GPR62: variants seen among roughly 807,000 people sequenced by gnomAD.
GPR62 encodes the protein G protein-coupled receptor 62.
For missense variants in GPR62, 513 were observed against 541.5 expected, an observed-to-expected ratio of 0.95 and a Z score of 0.52; for synonymous variants, 280 against 286.9, an observed-to-expected ratio of 0.98 and a Z score of 0.24.
chr3:51,955,414 G>A lies in GPR62; in HGVS notation c.-239G>A, dbSNP rs1699820739. 2.4e-6 allele frequency: 1 copy of A among 409,608 alleles called. No individual in the cohort carries two copies. The highest frequency in any genetic ancestry group is 4.3e-6 in the Non-Finnish European group (1 of 229,920). The allele number at this position is 409,608 out of a possible 1,614,324, so 25.4% of individuals were successfully genotyped here. Reference sequence around the variant, plus strand: ...CTCCGACAGGGGCTGAGTTGCTGGAGCTGGGCTGGGGCAGGGGAGAAAGAC... The same window carrying A: ...CTCCGACAGGGGCTGAGTTGCTGGAACTGGGCTGGGGCAGGGGAGAAAGAC... On this transcript the variant is annotated 5_prime_UTR_variant, in exon 1 of 1. Coordinates refer to ENST00000322241, the MANE Select transcript of GPR62 (RefSeq NM_080865.4).
rs1017116884 is a variant in GPR62 at position 51,956,448 on chromosome 3, G to A, written c.796G>A (p.Ala266Thr). The A allele has an allele frequency of 6.5e-7, 1 of 1,531,034 alleles. No individual in the cohort carries two copies. The highest frequency in any genetic ancestry group is 8.7e-7 in the Non-Finnish European group (1 of 1,145,852). The allele number at this position is 1,531,034 out of a possible 1,614,324, so 94.8% of individuals were successfully genotyped here. A position where few individuals can be genotyped will look rare whatever the true frequency, so the allele number is the denominator to read the frequency against. ...TGGCTGCGCGTGCCTGGCGCCCGCAGCGCGGGCCGCGGAAGCCGAAGCGGC... is the reference window on the plus strand; with the variant it reads ...TGGCTGCGCGTGCCTGGCGCCCGCAACGCGGGCCGCGGAAGCCGAAGCGGC... The part of the protein sequence containing the change: ...PYGCACLAPA[A>T]RAAEAEAAVT... Residue 266 changes from alanine to threonine, a missense_variant, in exon 1 of 1, where the codon GCG (alanine) becomes ACG (threonine). Ala to Thr is a moderately conservative substitution (Grantham distance 58, BLOSUM62 0). Transcript: ENST00000322241.
At position 51,956,626 on chromosome 3, in the gene GPR62, C is replaced by T. The variant is rs1165318878; in HGVS notation, c.974C>T (p.Ala325Val). 4 of 1,612,718 alleles carry T rather than the reference C, an allele frequency of 2.5e-6. No homozygotes were observed. The Admixed American group carries it at 6.7e-5, about 27-fold the overall frequency. Residue 325 changes from alanine to valine, a missense_variant, in exon 1 of 1, where the codon GCA becomes GTA. Physicochemically the swap from Ala to Val is moderately conservative, Grantham distance 64. Transcript: ENST00000322241. ...ACTCCGCAAGCCTGGCACCCGCGGGCACTCTTGCAATGCCTCCAGAGACCC... is the reference window on the plus strand; with the variant it reads ...ACTCCGCAAGCCTGGCACCCGCGGGTACTCTTGCAATGCCTCCAGAGACCC... ...ACTPQAWHPR[A>V]LLQCLQRPPE...
chr3:51,956,561 C>T lies in GPR62; in HGVS notation c.909C>T (p.Arg303=). Residue 303 remains arginine (R), a synonymous_variant, in exon 1 of 1, where the codon CGC becomes CGT. Transcript: ENST00000322241. ...LQRPVRLALG[R]LSRRALPGPV... is the part of the protein sequence containing the mutation. ...GCCCCGTGCGCTTGGCACTGGGCCG[C>T]CTCTCTCGCCGTGCACTGCCTGGAC... The T allele has an allele frequency of 2.5e-6, 4 of 1,610,722 alleles. No individual in the cohort carries two copies. Among genetic ancestry groups the T allele is most frequent in the Non-Finnish European group, 3.4e-6 (4 of 1,179,282 alleles).
Position 51,956,459 on chromosome 3 carries a change from G to T in GPR62, c.807G>T (p.Ala269=). 6.5e-7 allele frequency: 1 copy of T among 1,542,406 alleles called. No individual in the cohort carries two copies. The highest frequency in any genetic ancestry group is 8.7e-7 in the Non-Finnish European group (1 of 1,150,752). ...GCCTGGCGCCCGCAGCGCGGGCCGC[G>T]GAAGCCGAAGCGGCTGTCACCTGGG... ...CACLAPAARA[A]EAEAAVTWVA... The change falls in exon 1 of 1, where the codon GCG becomes GCT. Residue 269 remains alanine, a synonymous_variant. Transcript: ENST00000322241.
chr3:51,956,945 A>C lies in GPR62; in HGVS notation c.*186A>C. On this transcript the variant is annotated 3_prime_UTR_variant, in exon 1 of 1. Coordinates refer to ENST00000322241, the MANE Select transcript of GPR62 (RefSeq NM_080865.4). ...GGCCCAACACTGCATAGCACTGTGCATAGGCCGACCCTTCCTTAGGCCTCA... is the reference window on the plus strand; with the variant it reads ...GGCCCAACACTGCATAGCACTGTGCCTAGGCCGACCCTTCCTTAGGCCTCA... The C allele has an allele frequency of 9.6e-7, 1 of 1,037,984 alleles. No homozygotes were observed. The highest frequency in any genetic ancestry group is 1.3e-6 in the Non-Finnish European group (1 of 751,132). The allele number at this position is 1,037,984 out of a possible 1,614,324, so 64.3% of individuals were successfully genotyped here. A position where few individuals can be genotyped will look rare whatever the true frequency, so the allele number is the denominator to read the frequency against.
In GPR62 at chr3:51,956,014, T is replaced by G. The variant is rs1699834631; in HGVS notation, c.362T>G (p.Leu121Arg). The G allele has an allele frequency of 7.0e-7, 1 of 1,433,220 alleles. No homozygotes were observed. The highest frequency in any genetic ancestry group is 1.3e-5 in the South Asian group (1 of 74,838). The allele number at this position is 1,433,220 out of a possible 1,614,324, so 88.8% of individuals were successfully genotyped here. The change falls in exon 1 of 1, where the codon CTG becomes CGG. Residue 121 changes from leucine to arginine, a missense_variant. Leu to Arg is a moderately radical substitution (Grantham distance 102, BLOSUM62 -2). Transcript: ENST00000322241. ...LARYRLIVHPLRPGSRPPPVL... is the reference protein window; with the variant it reads ...LARYRLIVHPRRPGSRPPPVL... ...CGCTACCGCCTCATCGTGCACCCGC[T>G]GCGGCCAGGCTCGCGGCCGCCGCCT...
At position 51,956,550 on chromosome 3, in the gene GPR62, G is replaced by C; in HGVS notation, c.898G>C (p.Ala300Pro). The C allele has an allele frequency of 6.2e-7, 1 of 1,609,296 alleles. No individual in the cohort carries two copies. The highest frequency in any genetic ancestry group is 2.2e-5 in the East Asian group (1 of 44,724). Residue 300 changes from alanine to proline, a missense_variant, in exon 1 of 1, where the codon GCA becomes CCA. Ala to Pro is a conservative substitution (Grantham distance 27). Coordinates refer to ENST00000322241, the MANE Select transcript of GPR62 (RefSeq NM_080865.4). The stretch of plus-strand genomic sequence containing the variant: ...GCTGCTGCAGCGCCCCGTGCGCTTG[G>C]CACTGGGCCGCCTCTCTCGCCGTGC... ...YGLLQRPVRLALGRLSRRALP... is the reference protein window; with the variant it reads ...YGLLQRPVRLPLGRLSRRALP...
In GPR62 at chr3:51,956,376, GC is replaced by G. The variant is rs1396007529; in HGVS notation, c.728del (p.Pro243GlnfsTer97). The G allele has an allele frequency of 3.3e-6, 5 of 1,535,576 alleles. No homozygotes were observed. Among genetic ancestry groups the G allele is most frequent in the Admixed American group, 1.9e-5 (1 of 51,384 alleles). On this transcript the variant is annotated frameshift_variant, in exon 1 of 1. Coordinates refer to ENST00000322241, the MANE Select transcript of GPR62 (RefSeq NM_080865.4). LOFTEE classifies it low-confidence loss of function (END_TRUNC). Reference sequence around the variant, plus strand: ...CCTGCCCGGGGGCAAGGCGGCCCTGGCCCCAGCGCTGGCCGTGGGCCAATTT... The same window carrying G: ...CCTGCCCGGGGGCAAGGCGGCCCTGGCCCAGCGCTGGCCGTGGGCCAATTT... ...PRLPGGKAALAPALAVGQFAA... is the reference protein window; with the variant it reads ...PRLPGGKAALXPALAVGQFAA...
chr3:51,956,178 TG>T lies in GPR62; in HGVS notation c.529del (p.Ala177ProfsTer28). On this transcript the variant is annotated frameshift_variant, in exon 1 of 1. Transcript: ENST00000322241. LOFTEE classifies it low-confidence loss of function (END_TRUNC). ...GGGCCTCGGGCCCTTCCGGCCGCTC[TG>T]GGCCCTGCTGGCCTTCGCGCTGCCC... is the stretch of plus-strand genomic sequence containing the variant. ...AGGLGPFRPL[W>X]ALLAFALPAL... 2 of 1,491,210 alleles carry T rather than the reference TG, an allele frequency of 1.3e-6. No homozygotes were observed. Among genetic ancestry groups the T allele is most frequent in the Admixed American group, 2.3e-5 (1 of 43,054 alleles). 92.4% of individuals were successfully genotyped at this position (1,491,210 alleles called of 1,614,324 possible).
chr3:51,956,374 T>C lies in GPR62; in HGVS notation c.722T>C (p.Leu241Pro). The change falls in exon 1 of 1, where the codon CTG becomes CCG. Residue 241 changes from leucine to proline, a missense_variant. Leu to Pro is a moderately conservative substitution (Grantham distance 98). Transcript: ENST00000322241. ...CGCCTGCCCGGGGGCAAGGCGGCCCTGGCCCCAGCGCTGGCCGTGGGCCAA... is the reference window on the plus strand; with the variant it reads ...CGCCTGCCCGGGGGCAAGGCGGCCCCGGCCCCAGCGCTGGCCGTGGGCCAA... ...RPRLPGGKAA[L>P]APALAVGQFA... 4 of 1,538,016 alleles carry C rather than the reference T, an allele frequency of 2.6e-6. No homozygotes were observed. Among genetic ancestry groups the C allele is most frequent in the Non-Finnish European group, 2.6e-6 (3 of 1,150,736 alleles).
rs761258717 is a variant in GPR62 at position 51,955,769 on chromosome 3, G to A, written c.117G>A (p.Val39=). 8 of 1,600,912 alleles carry A rather than the reference G, an allele frequency of 5.0e-6. No homozygotes were observed. Among genetic ancestry groups the A allele is most frequent in the Non-Finnish European group, 6.8e-6 (8 of 1,174,368 alleles). The stretch of plus-strand genomic sequence containing the variant: ...GCAACGGCGCGCTGCTGGTCGTGGT[G>A]CTGCGCACGCCGGGACTGCGCGACG... ...LLGNGALLVV[V]LRTPGLRDAL... The change falls in exon 1 of 1, where the codon GTG becomes GTA. Residue 39 remains valine (V), a synonymous_variant. Coordinates refer to ENST00000322241, the MANE Select transcript of GPR62 (RefSeq NM_080865.4).
chr3:51,955,646 A>C lies in GPR62; in HGVS notation c.-7A>C, dbSNP rs765782196. ...ATCCCAGCGCAGGGTGAAGCCTGAG[A>C]GCCCAAATGGCCAACTCCACAGGGC... On this transcript the variant is annotated 5_prime_UTR_variant, in exon 1 of 1. Transcript: ENST00000322241. The C allele has an allele frequency of 1.3e-6, 2 of 1,584,174 alleles. No individual in the cohort carries two copies. Among genetic ancestry groups the C allele is most frequent in the South Asian group, 1.1e-5 (1 of 88,156 alleles).
Position 51,956,097 on chromosome 3 carries a change from C to G in GPR62, c.445C>G (p.Leu149Val). 7.0e-7 allele frequency: 1 copy of G among 1,434,986 alleles called. No homozygotes were observed. Among genetic ancestry groups the G allele is most frequent in the Non-Finnish European group, 9.1e-7 (1 of 1,099,966 alleles). 88.9% of individuals were successfully genotyped at this position (1,434,986 alleles called of 1,614,324 possible). A position where few individuals can be genotyped will look rare whatever the true frequency, so the allele number is the denominator to read the frequency against. The stretch of plus-strand genomic sequence containing the variant: ...GGGACTGCTGGGCGCGCTCTCCCTG[C>G]TCGGCACGCCGCCCGCACCGCCCCC... ...AAGLLGALSLLGTPPAPPPAP... is the reference protein window; with the variant it reads ...AAGLLGALSLVGTPPAPPPAP... The change falls in exon 1 of 1, where the codon CTC (leucine) becomes GTC (valine). Residue 149 changes from leucine (L) to valine (V), a missense_variant. Coordinates refer to ENST00000322241, the MANE Select transcript of GPR62 (RefSeq NM_080865.4).
In GPR62 at chr3:51,956,012, G is replaced by A. The variant is rs1488385006; in HGVS notation, c.360G>A (p.Pro120=). Residue 120 remains proline, a synonymous_variant, in exon 1 of 1, where the codon CCG becomes CCA. Coordinates refer to ENST00000322241, the MANE Select transcript of GPR62 (RefSeq NM_080865.4). ...CACGCTACCGCCTCATCGTGCACCC[G>A]CTGCGGCCAGGCTCGCGGCCGCCGC... is the stretch of plus-strand genomic sequence containing the variant. ...GLARYRLIVH[P]LRPGSRPPPV... The A allele has an allele frequency of 1.5e-5, 21 of 1,431,922 alleles. No individual in the cohort carries two copies. The highest frequency in any genetic ancestry group is 2.5e-4 in the Middle Eastern group (1 of 4,042). The allele number at this position is 1,431,922 out of a possible 1,614,324, so 88.7% of individuals were successfully genotyped here.
At position 51,956,799 on chromosome 3, in the gene GPR62, A is replaced by G. The variant is rs890814132; in HGVS notation, c.*40A>G. 1 of 1,541,424 alleles carries G rather than the reference A, an allele frequency of 6.5e-7. No individual in the cohort carries two copies. The highest frequency in any genetic ancestry group is 1.4e-5 in the African/African-American group (1 of 72,480). On this transcript the variant is annotated 3_prime_UTR_variant, in exon 1 of 1. Coordinates refer to ENST00000322241, the MANE Select transcript of GPR62 (RefSeq NM_080865.4). ...GGTGGTTTCCGTGGGGGCTCATCCA[A>G]CCCCTGCACAGGTCACAGCAGGTGC...
rs756249786 is a variant in GPR62, at chr3:51,956,334, C to A, written c.682C>A (p.Pro228Thr). The A allele has an allele frequency of 1.9e-6, 3 of 1,558,680 alleles. No individual in the cohort carries two copies. Among genetic ancestry groups the A allele is most frequent in the Non-Finnish European group, 2.6e-6 (3 of 1,162,382 alleles). ...DSLDSRLSIL[P>T]PLRPRLPGGK... is the part of the protein sequence containing the mutation. ...TCTGGATAGCCGCCTTTCCATCTTG[C>A]CGCCGCTCCGGCCTCGCCTGCCCGG... The change falls in exon 1 of 1, where the codon CCG becomes ACG. Residue 228 changes from proline to threonine, a missense_variant. Transcript: ENST00000322241.
Position 51,956,518 on chromosome 3 carries a change from T to C in GPR62, c.866T>C (p.Leu289Pro). ...TCGGCCTTCGCGGCTCACCCCTTCC[T>C]GTACGGGCTGCTGCAGCGCCCCGTG... Reference protein sequence around the residue: ...AYSAFAAHPFLYGLLQRPVRL... With the variant: ...AYSAFAAHPFPYGLLQRPVRL... Residue 289 changes from leucine to proline, a missense_variant, in exon 1 of 1, where the codon CTG (leucine) becomes CCG (proline). Coordinates refer to ENST00000322241, the MANE Select transcript of GPR62 (RefSeq NM_080865.4). The C allele has an allele frequency of 6.2e-7, 1 of 1,602,128 alleles. No homozygotes were observed. Among genetic ancestry groups the C allele is most frequent in the East Asian group, 2.3e-5 (1 of 44,358 alleles).
rs1400997938 is a variant in GPR62, at chr3:51,956,166, T to C, written c.514T>C (p.Phe172Leu). The C allele has an allele frequency of 2.7e-6, 4 of 1,480,250 alleles. No individual in the cohort carries two copies. In the African/African-American group the frequency reaches 4.4e-5, roughly 16 times the overall value. The allele number at this position is 1,480,250 out of a possible 1,614,324, so 91.7% of individuals were successfully genotyped here. ...GGTCCTGGCTGGGGGCCTCGGGCCC[T>C]TCCGGCCGCTCTGGGCCCTGCTGGC... ...CSVLAGGLGPFRPLWALLAFA... is the reference protein window; with the variant it reads ...CSVLAGGLGPLRPLWALLAFA... Residue 172 changes from phenylalanine (F) to leucine (L), a missense_variant, in exon 1 of 1, where the codon TTC becomes CTC. Phe to Leu is a conservative substitution (Grantham distance 22). Coordinates refer to ENST00000322241, the MANE Select transcript of GPR62 (RefSeq NM_080865.4).
Position 51,957,063 on chromosome 3 carries a change from A to T in GPR62, c.*304A>T. 2.5e-6 allele frequency: 1 copy of T among 400,492 alleles called. No individual in the cohort carries two copies. Among genetic ancestry groups the T allele is most frequent in the Non-Finnish European group, 4.6e-6 (1 of 219,766 alleles). The allele number at this position is 400,492 out of a possible 1,614,324, so 24.8% of individuals were successfully genotyped here. On this transcript the variant is annotated 3_prime_UTR_variant, in exon 1 of 1. Transcript: ENST00000322241. ...AGGTGGTCCCCAGGCCAAGATGGGC[A>T]GGTGTCACAAAGAAGAGGGCCCTAA...
Sources: allele counts gnomAD v4.1 joint callset, GRCh38; gene constraint gnomAD v4.1.1; transcripts MANE v1.5; gene names NCBI Gene and HGNC (gene_info 2026-07-23, HGNC 2026-07-21).